ARHGAP39: variants seen among roughly 807,000 people sequenced by gnomAD.
The protein encoded by ARHGAP39 is Rho GTPase activating protein 39, also known as rho GTPase-activating protein 39.
In ARHGAP39, 44 loss-of-function variants were observed where a neutral mutation model predicts 106.9. That is an observed-to-expected ratio of 0.41 (90% confidence interval 0.32 to 0.53). ARHGAP39 has a LOEUF of 0.53. Among genes scored for constraint, ARHGAP39 ranks in the 20% least tolerant of loss-of-function variants. The pLI is 0.21. For synonymous variants in ARHGAP39, 768 were observed against 693.2 expected (o/e 1.11, Z -1.69); for missense variants, 1,496 against 1,577.3 (o/e 0.95, Z 0.87).
At chr8:144,575,649 C>T (rs1818744130) in intron 3 of ARHGAP39, among the ~76,000 whole-genome samples, 1 of 152,004 alleles carries the variant, frequency 6.6e-6, no homozygotes, top group African/African-American at 2.4e-5. Flanking sequence ...CCAGAAGGAC[C>T]CACCTGAGGG....
At chr8:144,603,154 TGGA>T (rs1206643954) in intron 2 of ARHGAP39, among the ~76,000 whole-genome samples, 2 of 135,270 alleles carry the variant, frequency 1.5e-5, no homozygotes, top group African/African-American at 2.8e-5. Context: ...TGCATGTGCG[TGGA>T]GGTGTGTGTG....
intron 1 of ARHGAP39, among the ~76,000 whole-genome samples, chr8:144,630,093 C>G (rs1422169828): frequency 6.6e-6 from 1 of 152,178 alleles, no homozygotes; most frequent in African/African-American, 2.4e-5. Context: ...CCAGGCATCC[C>G]AGCAACATGC....
rs145629994 is a variant in ARHGAP39, at chr8:144,559,218, A to G, written c.513-3575T>C. Among the ~76,000 whole-genome samples, 757 of 151,986 alleles carry G rather than the reference A, an allele frequency of 5.0e-3. 4 individuals carry two copies. The highest frequency in any genetic ancestry group is 0.012 in the African/African-American group (498 of 41,454). ...GCGAGACTCTGTCTCAAAACAAAAA[A>G]CAAAAAAACAAAAACTAGCCGGAAG... On this transcript the variant is annotated intron_variant, in intron 3 of 11. Coordinates refer to ENST00000377307, the MANE Select transcript of ARHGAP39 (RefSeq NM_025251.3).
intron 9 of ARHGAP39, 113 bp downstream of exon 9, chr8:144,533,013 G>T: frequency 7.8e-7 from 1 of 1,280,654 alleles, no homozygotes; most frequent in Non-Finnish European, 1.1e-6. Flanking sequence ...TCTCAGGTAT[G>T]GGTGCGGAAG....
At chr8:144,690,231 G>A (rs539255699), upstream of ARHGAP39, among the ~76,000 whole-genome samples, 156 of 152,116 alleles carry the variant, frequency 1.0e-3, 4 homozygotes, top group South Asian at 0.012. Flanking sequence ...TCCTGCCTCA[G>A]CCTCCCCAGA....
At chr8:144,666,829 C>A (rs1821977485) in intron 1 of ARHGAP39, among the ~76,000 whole-genome samples, 1 of 152,198 alleles carries the variant, frequency 6.6e-6, no homozygotes, top group Non-Finnish European at 1.5e-5. Context: ...CCAGTTCTCA[C>A]AGCAAAGCCC....
At chr8:144,616,776 C>T (rs1205718732) in intron 1 of ARHGAP39, among the ~76,000 whole-genome samples, 1 of 152,244 alleles carries the variant, frequency 6.6e-6, no homozygotes, top group Non-Finnish European at 1.5e-5. Context: ...TCCTGTGGTG[C>T]AGGGTATTTT....
chr8:144,562,444 G>A lies in ARHGAP39; in HGVS notation c.513-6801C>T, dbSNP rs535168499. ...CCATCGGACCCCAGTGGTTTCCATC[G>A]GACTCCAGTGGTTTCCATCGCACTC... On this transcript the variant is annotated intron_variant, in intron 3 of 11. Transcript: ENST00000377307. 5.4e-3 allele frequency among the ~76,000 whole-genome samples: 742 copies of A among 136,928 alleles called. 21 individuals are homozygous for A. The highest frequency in any genetic ancestry group is 0.022 in the African/African-American group (667 of 30,676). 89.8% of individuals were successfully genotyped at this position (136,928 alleles called of 152,430 possible). A position where few individuals can be genotyped will look rare whatever the true frequency, so the allele number is the denominator to read the frequency against.
chr8:144,640,225 G>T (rs1821277066), intron 1 of ARHGAP39, among the ~76,000 whole-genome samples: 1 of 152,158 alleles, frequency 6.6e-6, no homozygotes, highest in Non-Finnish European at 1.5e-5. Flanking sequence ...GCACACGGGG[G>T]ACTGACAGGG....
chr8:144,550,723 G>C (rs1337107203), intron 4 of ARHGAP39, among the ~76,000 whole-genome samples: 1 of 152,246 alleles, frequency 6.6e-6, no homozygotes, highest in Non-Finnish European at 1.5e-5. Context: ...GTGGCTGCTG[G>C]AGACTGCTCC....
intron 1 of ARHGAP39, among the ~76,000 whole-genome samples, chr8:144,630,287 A>G (rs974310763): frequency 5.3e-5 from 8 of 152,206 alleles, no homozygotes; most frequent in African/African-American, 1.7e-4. Flanking sequence ...GATGGGAGGT[A>G]AAGTTTTGAA....
chr8:144,573,571 G>A (rs957337531), intron 3 of ARHGAP39, among the ~76,000 whole-genome samples: 4 of 152,092 alleles, frequency 2.6e-5, no homozygotes, highest in Admixed American at 2.0e-4. Flanking sequence ...AAACCTGCAC[G>A]TTGTGCACAT....
intron 2 of ARHGAP39, among the ~76,000 whole-genome samples, chr8:144,600,260 G>A (rs531854058): frequency 7.3e-5 from 11 of 150,682 alleles, no homozygotes; most frequent in South Asian, 6.3e-4. Flanking sequence ...GTGCGTGTGC[G>A]TGGGGGTGTC....
In ARHGAP39 at chr8:144,603,154, TGGAGGTGTGTGTGCGA is replaced by T. The variant is rs551820022; in HGVS notation, c.80+2365_80+2380del. ...GCTGGTGTACCTGTGTGCATGTGCG[TGGAGGTGTGTGTGCGA>T]GCTCATGTACCTGTGTGTGTGCGTG... On this transcript the variant is annotated intron_variant, in intron 2 of 11. Coordinates refer to ENST00000377307, the MANE Select transcript of ARHGAP39 (RefSeq NM_025251.3). Among the ~76,000 whole-genome samples the T allele has an allele frequency of 5.5e-3, 746 of 135,356 alleles. 4 individuals carry two copies. The highest frequency in any genetic ancestry group is 9.9e-3 in the Non-Finnish European group (638 of 64,522). The allele number at this position is 135,356 out of a possible 152,430, so 88.8% of individuals were successfully genotyped here. A position where few individuals can be genotyped will look rare whatever the true frequency, so the allele number is the denominator to read the frequency against.
intron 6 of ARHGAP39, 146 bp from the exon 7 acceptor site, chr8:144,537,959 G>T: frequency 2.9e-6 from 2 of 694,922 alleles, no homozygotes; most frequent in Non-Finnish European, 4.9e-6. Context: ...TTTCTGGGGG[G>T]ACGTGGCTGT....
At chr8:144,600,704 G>A (rs925866411) in intron 2 of ARHGAP39, among the ~76,000 whole-genome samples, 6 of 146,400 alleles carry the variant, frequency 4.1e-5, no homozygotes, top group African/African-American at 1.5e-4. Flanking sequence ...GGAGACGTGC[G>A]TGTGCACTTG....
chr8:144,534,107 G>C (rs752087172), intron 8 of ARHGAP39, 22 bp downstream of exon 8: 7 of 1,611,028 alleles, frequency 4.3e-6, no homozygotes, highest in Non-Finnish European at 5.9e-6. Context: ...TGCCCTCCCC[G>C]GCCCCCCAGG....
chr8:144,589,064 C>T (rs1029883599), intron 2 of ARHGAP39, among the ~76,000 whole-genome samples: 4 of 152,236 alleles, frequency 2.6e-5, no homozygotes, highest in Admixed American at 6.5e-5. Context: ...GTGTGGATTC[C>T]GTTAGTAACA....
intron 1 of ARHGAP39, among the ~76,000 whole-genome samples, chr8:144,673,216 C>T (rs770742713): frequency 7.1e-6 from 1 of 141,356 alleles, no homozygotes; most frequent in Non-Finnish European, 1.5e-5. Flanking sequence ...GAACCTGTCT[C>T]AAAAAAAAAA....
Sources: allele counts gnomAD v4.1 joint callset (sites outside exome capture counted in the v4.1 genomes callset), GRCh38; gene constraint gnomAD v4.1.1; transcripts MANE v1.5; gene names NCBI Gene and HGNC (gene_info 2026-07-23, HGNC 2026-07-21).